EFCAB14: variants seen among roughly 807,000 people sequenced by gnomAD.
The protein encoded by EFCAB14 is EF-hand calcium-binding domain-containing protein 14.
A neutral mutation model predicts 56.5 loss-of-function variants in EFCAB14; 43 were observed. The observed-to-expected ratio is 0.76, with a 90% CI of 0.60 to 0.98. EFCAB14 has a LOEUF of 0.98. EFCAB14 is among the 50% of genes least tolerant of loss of function. The pLI, the probability that EFCAB14 is intolerant of heterozygous loss-of-function variation, is 0.00. For missense variants in EFCAB14, 538 were observed against 580.3 expected, an observed-to-expected ratio of 0.93 and a Z score of 0.75; for synonymous variants, 235 against 212.9, an observed-to-expected ratio of 1.10 and a Z score of -0.90.
intron 3 of EFCAB14, 61 bp from the exon 4 acceptor site, chr1:46,696,710 C>G: frequency 6.8e-7 from 1 of 1,478,620 alleles, no homozygotes; most frequent in Non-Finnish European, 9.4e-7. Context: ...GACACGTTAC[C>G]TTCACAAACT....
At chr1:46,685,902 A>G (rs1203089646) in intron 8 of EFCAB14, among the ~76,000 whole-genome samples, 1 of 152,214 alleles carries the variant, frequency 6.6e-6, no homozygotes, top group Non-Finnish European at 1.5e-5. Context: ...TTAAAACCTT[A>G]ATATATTGTG....
intron 9 of EFCAB14, 47 bp from the exon 10 acceptor site, chr1:46,683,472 C>G (rs1242655328): frequency 6.4e-7 from 1 of 1,572,620 alleles, no homozygotes; most frequent in East Asian, 2.3e-5. Flanking sequence ...GAATCTAACA[C>G]CAAATTAAAC....
intron 2 of EFCAB14, among the ~76,000 whole-genome samples, chr1:46,712,840 T>A (rs1402988116): frequency 3.0e-5 from 4 of 133,612 alleles, no homozygotes; most frequent in African/African-American, 1.2e-4. Context: ...AAACCCTGTC[T>A]CTACTAAAAA....
Position 46,676,251 on chromosome 1 carries a change from T to G in EFCAB14, c.*2210A>C, listed in dbSNP as rs1676692700. 1 of 152,106 alleles carries G rather than the reference T, an allele frequency of 6.6e-6. No homozygotes were observed. The allele number at this position is 152,106 out of a possible 1,614,324, so 9.4% of individuals were successfully genotyped here. A position where few individuals can be genotyped will look rare whatever the true frequency, so the allele number is the denominator to read the frequency against. The stretch of plus-strand genomic sequence containing the variant: ...GCAGTATAAACACCTCTGCCAAACT[T>G]GGTAGGGGGAGAGGATGGTACTGTA... On this transcript the variant is annotated 3_prime_UTR_variant, in exon 11 of 11. Transcript: ENST00000371933.
intron 2 of EFCAB14, among the ~76,000 whole-genome samples, chr1:46,708,257 A>G (rs1415318649): frequency 1.3e-5 from 2 of 152,216 alleles, no homozygotes; most frequent in African/African-American, 4.8e-5. Context: ...GCAACTTTTA[A>G]AAGTTAGCCA....
intron 4 of EFCAB14, among the ~76,000 whole-genome samples, chr1:46,694,767 A>C (rs973518451): frequency 3.9e-5 from 6 of 152,182 alleles, no homozygotes; most frequent in African/African-American, 1.4e-4. Context: ...TGCTATAAAG[A>C]CACACGCACA....
chr1:46,710,739 T>C (rs1677296106), intron 2 of EFCAB14, among the ~76,000 whole-genome samples: 1 of 151,926 alleles, frequency 6.6e-6, no homozygotes, highest in South Asian at 2.1e-4. Context: ...TTTTTAGAGA[T>C]GGTGTCTTGC....
chr1:46,676,468 T>C lies in EFCAB14; in HGVS notation c.*1993A>G, dbSNP rs1676696309. ...TGAAACTAAAAAGGACAAGCTACAT[T>C]ACCCTCAAGTATATTTCATATAAAT... On this transcript the variant is annotated 3_prime_UTR_variant, in exon 11 of 11. Transcript: ENST00000371933. 1 of 152,648 alleles carries C rather than the reference T, an allele frequency of 6.6e-6. No individual in the cohort carries two copies. The highest frequency in any genetic ancestry group is 2.4e-5 in the African/African-American group (1 of 41,456). 9.5% of individuals were successfully genotyped at this position (152,648 alleles called of 1,614,324 possible). A position where few individuals can be genotyped will look rare whatever the true frequency, so the allele number is the denominator to read the frequency against.
At chr1:46,692,414 G>A (rs1199287185) in intron 4 of EFCAB14, among the ~76,000 whole-genome samples, 2 of 152,152 alleles carry the variant, frequency 1.3e-5, no homozygotes, top group African/African-American at 2.4e-5. Flanking sequence ...ATAAACATTC[G>A]TGTTCAGGTC....
chr1:46,696,651 T>C lies in EFCAB14; in HGVS notation c.481-2A>G. On this transcript the variant is annotated splice_acceptor_variant, in intron 3 of 10. Coordinates refer to ENST00000371933, the MANE Select transcript of EFCAB14 (RefSeq NM_014774.3). LOFTEE classifies it high-confidence loss of function. The stretch of plus-strand genomic sequence containing the variant: ...CACTGCAGAAGTCAACAGAGAAATC[T>C]GAACAAAAAAGAGTAACAAACAATG... 2 of 1,612,302 alleles carry C rather than the reference T, an allele frequency of 1.2e-6. No individual in the cohort carries two copies. Among genetic ancestry groups the C allele is most frequent in the African/African-American group, 1.3e-5 (1 of 74,884 alleles).
At chr1:46,694,566 A>T (rs1436999732) in intron 4 of EFCAB14, among the ~76,000 whole-genome samples, 11 of 152,320 alleles carry the variant, frequency 7.2e-5, no homozygotes, top group Admixed American at 6.5e-4. Flanking sequence ...GATCATTAAA[A>T]ATCAGGAAAC....
chr1:46,686,815 C>G lies in EFCAB14; in HGVS notation c.1043G>C (p.Arg348Thr). Residue 348 changes from arginine to threonine, a missense_variant, in exon 8 of 11, where the codon AGA (arginine) becomes ACA (threonine). Arg to Thr is a moderately conservative substitution (Grantham distance 71). Transcript: ENST00000371933. ...GCTTTGGATTTTTACTGTATCTGTT[C>G]TGTTGGTGACTTGATCCAAAGACTG... ...KRQSLDQVTN[R>T]TDTVKIQSIK... The G allele has an allele frequency of 6.2e-7, 1 of 1,613,812 alleles. No individual in the cohort carries two copies. Among genetic ancestry groups the G allele is most frequent in the Non-Finnish European group, 8.5e-7 (1 of 1,179,854 alleles).
At chr1:46,695,603 G>A (rs34932727) in intron 4 of EFCAB14, among the ~76,000 whole-genome samples, 37,654 of 152,110 alleles carry the variant, frequency 0.25, 4,942 homozygotes, top group East Asian at 0.35. Flanking sequence ...GATATCCACC[G>A]TTTGGGGAAT....
Position 46,691,809 on chromosome 1 carries a change from C to A in EFCAB14, c.690+18G>T, listed in dbSNP as rs1444530712. 6.3e-7 allele frequency: 1 copy of A among 1,595,514 alleles called. No homozygotes were observed. The highest frequency in any genetic ancestry group is 1.7e-5 in the Admixed American group (1 of 58,692). ...AAAAGGGTGAGCAGGAGCATGCTGA[C>A]TTGCTGGGTCTCCTTACCATATCAC... On this transcript the variant is annotated intron_variant, in intron 5 of 10. Transcript: ENST00000371933.
At chr1:46,687,308 C>G (rs1240136522) in intron 7 of EFCAB14, among the ~76,000 whole-genome samples, 8 of 152,216 alleles carry the variant, frequency 5.3e-5, no homozygotes, top group Non-Finnish European at 1.0e-4. Context: ...TAATACTCAT[C>G]ATCCAAAATT....
intron 10 of EFCAB14, among the ~76,000 whole-genome samples, chr1:46,682,720 A>C (rs929737463): frequency 2.6e-5 from 4 of 152,216 alleles, no homozygotes; most frequent in African/African-American, 9.7e-5. Flanking sequence ...AATATAGTAC[A>C]CTGGTTAAAA....
chr1:46,696,513 T>C, intron 4 of EFCAB14, 38 bp downstream of exon 4: 3 of 1,580,370 alleles, frequency 1.9e-6, no homozygotes, highest in Non-Finnish European at 1.7e-6. Context: ...ACATGGCACC[T>C]ACCTTCTGAA....
At chr1:46,690,041 A>G (rs183364711) in intron 5 of EFCAB14, among the ~76,000 whole-genome samples, 1 of 152,286 alleles carries the variant, frequency 6.6e-6, no homozygotes, top group Admixed American at 6.5e-5. Context: ...CCAGGGACCA[A>G]CTCGGTCTCA....
chr1:46,702,057 T>A (rs1254300264), intron 3 of EFCAB14, among the ~76,000 whole-genome samples: 1 of 152,212 alleles, frequency 6.6e-6, no homozygotes, highest in African/African-American at 2.4e-5. Flanking sequence ...ATTAGAAAAG[T>A]CACACTTTGG....
Sources: allele counts gnomAD v4.1 joint callset (sites outside exome capture counted in the v4.1 genomes callset), GRCh38; gene constraint gnomAD v4.1.1; transcripts MANE v1.5; gene names NCBI Gene and HGNC (gene_info 2026-07-23, HGNC 2026-07-21).